Variants in DCTN4 observed in about 807,000 individuals in gnomAD.
DCTN4 encodes dynactin 4 (p62).
Under a neutral mutation model 62.7 loss-of-function variants are expected in DCTN4, and 23 were observed. The ratio of observed to expected loss-of-function variants is 0.37; its 90% CI spans 0.26 to 0.52. The LOEUF (loss-of-function observed/expected upper bound fraction) is 0.52, where lower values mean the gene tolerates loss of function less well. DCTN4 is among the 20% of genes least tolerant of loss of function. The pLI is 0.92. For missense variants in DCTN4, 514 were observed against 580.4 expected, an observed-to-expected ratio of 0.89 and a Z score of 1.18; for synonymous variants, 199 against 202.1, an observed-to-expected ratio of 0.98 and a Z score of 0.13.
chr5:150,744,059 G>A (rs1310046048), intron 3 of DCTN4, among the ~76,000 whole-genome samples: 1 of 152,204 alleles, frequency 6.6e-6, no homozygotes, highest in East Asian at 1.9e-4. Context: ...TTAGACGAAT[G>A]TATAACTAGA....
chr5:150,751,015 A>G (rs1245498443), intron 3 of DCTN4, among the ~76,000 whole-genome samples: 1 of 152,182 alleles, frequency 6.6e-6, no homozygotes, highest in Non-Finnish European at 1.5e-5. Flanking sequence ...AAGTTGCCTC[A>G]CTTAAGGCAA....
chr5:150,743,522 C>T (rs935443504), intron 3 of DCTN4, among the ~76,000 whole-genome samples: 7 of 152,280 alleles, frequency 4.6e-5, no homozygotes, highest in Non-Finnish European at 1.0e-4. Flanking sequence ...ACCTCTGACC[C>T]CCGAGCAGCC....
chr5:150,753,438 T>A, intron 3 of DCTN4, 41 bp downstream of exon 3: 1 of 1,581,500 alleles, frequency 6.3e-7, no homozygotes, highest in Admixed American at 1.7e-5. Flanking sequence ...TATAGCACTG[T>A]CAATTGTACA....
chr5:150,718,191 A>T (rs1268780223), intron 11 of DCTN4, 85 bp downstream of exon 11: 21 of 810,404 alleles, frequency 2.6e-5, no homozygotes, highest in African/African-American at 9.0e-5. Flanking sequence ...TGGAAAGGAG[A>T]GTGTGTGGAG....
intron 3 of DCTN4, among the ~76,000 whole-genome samples, chr5:150,750,338 C>A (rs1752629105): frequency 6.6e-6 from 1 of 152,162 alleles, no homozygotes; most frequent in Non-Finnish European, 1.5e-5. Context: ...TAAGAGCTGA[C>A]AAGGAACTGG....
Position 150,718,293 on chromosome 5 carries a change from T to C in DCTN4, c.1054A>G (p.Ile352Val), listed in dbSNP as rs1554117643. 11 of 1,613,650 alleles carry C rather than the reference T, an allele frequency of 6.8e-6. No individual in the cohort carries two copies. Among genetic ancestry groups the C allele is most frequent in the South Asian group, 5.5e-5 (5 of 91,042 alleles). The change falls in exon 11 of 13, where the codon ATC becomes GTC. Residue 352 changes from isoleucine (I) to valine (V), a missense_variant. By Grantham distance (29) the Ile-to-Val change is conservative. Coordinates refer to ENST00000447998, the MANE Select transcript of DCTN4 (RefSeq NM_016221.4). ...FECEEGDPDDINSTAKVVVPP... is the reference protein window; with the variant it reads ...FECEEGDPDDVNSTAKVVVPP... ...GCTCCTACCTTAGCAGTGCTGTTGA[T>C]ATCATCAGGGTCCCCCTCCTCACAC...
intron 5 of DCTN4, among the ~76,000 whole-genome samples, chr5:150,732,348 G>C (rs199629124): frequency 1.3e-5 from 2 of 152,022 alleles, no homozygotes; most frequent in African/African-American, 4.8e-5. Context: ...ACAGGGTTTC[G>C]CCATGTTGGC....
chr5:150,713,445 C>CTTT (rs371366897), intron 12 of DCTN4, among the ~76,000 whole-genome samples: 4 of 135,604 alleles, frequency 2.9e-5, no homozygotes, highest in Admixed American at 7.3e-5. Context: ...CTTTTCTTTT[C>CTTT]TTTTTTTTTT....
At chr5:150,713,425 CTTTA>C (rs1350341708) in intron 12 of DCTN4, among the ~76,000 whole-genome samples, 1 of 151,194 alleles carries the variant, frequency 6.6e-6, no homozygotes, top group Non-Finnish European at 1.5e-5. Context: ...TTTGCCTTCA[CTTTA>C]TTTTTCTTTT....
rs75712429 is a variant in DCTN4 at position 150,722,499 on chromosome 5, C to T, written c.908+408G>A. The stretch of plus-strand genomic sequence containing the variant: ...ACTTAATCACTTTCATTCCAGTCAA[C>T]GAAGTGTTATAACACAGGTAAGTAA... On this transcript the variant is annotated intron_variant, in intron 9 of 12. Coordinates refer to ENST00000447998, the MANE Select transcript of DCTN4 (RefSeq NM_016221.4). Among the ~76,000 whole-genome samples, 123 of 152,294 alleles carry T rather than the reference C, an allele frequency of 8.1e-4. 1 individual carries two copies. The highest frequency in any genetic ancestry group is 2.9e-3 in the African/African-American group (120 of 41,554).
intron 5 of DCTN4, 143 bp downstream of exon 5, chr5:150,733,225 T>C (rs1446067353): frequency 7.1e-6 from 4 of 565,406 alleles, no homozygotes; most frequent in African/African-American, 1.9e-5. Context: ...AGCCTAACTA[T>C]TGGACTTAAA....
chr5:150,729,249 GT>G (rs201703731), intron 8 of DCTN4, among the ~76,000 whole-genome samples: 3,529 of 151,142 alleles, frequency 0.023, 67 homozygotes, highest in East Asian at 0.096. Flanking sequence ...TTTTATAAAG[GT>G]TTTTCATTAT....
chr5:150,736,972 T>C (rs182690995), intron 4 of DCTN4, among the ~76,000 whole-genome samples: 272 of 152,312 alleles, frequency 1.8e-3, no homozygotes, highest in African/African-American at 6.3e-3. Context: ...GCTATTCTTA[T>C]ATCAGACAAA....
At position 150,733,586 on chromosome 5, in the gene DCTN4, T is replaced by G; in HGVS notation, c.430-111A>C. ...GAATAGAGAAGACAAATTATTAAGA[T>G]GGGCAAGTTTGCCCTTTTTCTTCTA... On this transcript the variant is annotated intron_variant, in intron 4 of 12. Transcript: ENST00000447998. The G allele has an allele frequency of 7.7e-6, 5 of 645,796 alleles. No homozygotes were observed. The South Asian group carries it at 1.4e-4, about 18-fold the overall frequency. 40.0% of individuals were successfully genotyped at this position (645,796 alleles called of 1,614,324 possible). A position where few individuals can be genotyped will look rare whatever the true frequency, so the allele number is the denominator to read the frequency against.
chr5:150,736,277 G>T (rs995648857), intron 4 of DCTN4: 1 of 152,024 alleles, frequency 6.6e-6, no homozygotes, highest in Admixed American at 6.6e-5. Flanking sequence ...GAAATTCATC[G>T]CAAAAAGATC....
intron 3 of DCTN4, among the ~76,000 whole-genome samples, chr5:150,751,290 C>T (rs1163863437): frequency 6.6e-6 from 1 of 152,076 alleles, no homozygotes; most frequent in African/African-American, 2.4e-5. Flanking sequence ...GCTTTAAGAG[C>T]TCCTGGTATT....
intron 2 of DCTN4, among the ~76,000 whole-genome samples, 176 bp downstream of exon 2, chr5:150,756,241 C>T (rs1752857406): frequency 6.6e-6 from 1 of 152,042 alleles, no homozygotes. Flanking sequence ...TGGGGTTTCG[C>T]CATGTTAGCC....
intron 2 of DCTN4, chr5:150,755,596 C>A (rs558159331): frequency 2.2e-6 from 1 of 456,134 alleles, no homozygotes; most frequent in South Asian, 1.5e-5. Context: ...CATGCAAATC[C>A]TAATGAAATG....
chr5:150,720,125 A>G (rs2151473978), intron 9 of DCTN4, among the ~76,000 whole-genome samples: 1 of 152,330 alleles, frequency 6.6e-6, no homozygotes, highest in Middle Eastern at 3.4e-3. Flanking sequence ...CTTTCACTTG[A>G]GGTTATTGTG....
Sources: gnomAD v4.1 joint callset for allele counts (sites outside exome capture counted in the v4.1 genomes callset) on GRCh38, gnomAD v4.1.1 for gene constraint, MANE v1.5 for transcripts, NCBI Gene and HGNC (gene_info 2026-07-23, HGNC 2026-07-21) for gene names.